GPC6: variants seen among roughly 807,000 people sequenced by gnomAD.
GPC6 encodes the protein glypican 6, also known as glypican-6.
A neutral mutation model predicts 55.2 loss-of-function variants in GPC6; 14 were observed. That is an observed-to-expected ratio of 0.25 (90% CI 0.17 to 0.40). The LOEUF (loss-of-function observed/expected upper bound fraction) is 0.40. Ranked by LOEUF, GPC6 falls within the 10% of genes least tolerant of loss-of-function variation. GPC6 has a pLI of 1.00. For synonymous variants in GPC6, 278 were observed against 259.6 expected (o/e 1.07, Z -0.68); for missense variants, 641 against 708.5 (o/e 0.90, Z 1.08).
chr13:93,954,846 T>C (rs1204157094), intron 3 of GPC6, among the ~76,000 whole-genome samples: 1 of 152,150 alleles, frequency 6.6e-6, no homozygotes, highest in Non-Finnish European at 1.5e-5. Flanking sequence ...TTAGTAACTC[T>C]ATGTATGTCC....
intron 4 of GPC6, among the ~76,000 whole-genome samples, chr13:94,120,795 A>G (rs1340516553): frequency 1.3e-5 from 2 of 152,098 alleles, no homozygotes; most frequent in African/African-American, 4.8e-5. Context: ...GGAATCAATG[A>G]ATCAGGTGTT....
At chr13:93,843,047 A>G (rs1888011404) in intron 3 of GPC6, among the ~76,000 whole-genome samples, 1 of 149,594 alleles carries the variant, frequency 6.7e-6, no homozygotes, top group Admixed American at 6.7e-5. Flanking sequence ...TTATTTTAAC[A>G]TCACATGCAT....
intron 3 of GPC6, chr13:93,836,164 G>A (rs1887724475): frequency 6.6e-6 from 1 of 152,108 alleles, no homozygotes; most frequent in Non-Finnish European, 1.5e-5. Flanking sequence ...AACAGACAAA[G>A]TCAACTTTCA....
At chr13:93,407,860 AT>A (rs1230811990) in intron 1 of GPC6, among the ~76,000 whole-genome samples, 1 of 152,168 alleles carries the variant, frequency 6.6e-6, no homozygotes, top group Non-Finnish European at 1.5e-5. Context: ...GTAAAGATTA[AT>A]TTCCTAACTG....
chr13:94,318,706 G>A (rs1876666447), intron 6 of GPC6, among the ~76,000 whole-genome samples: 1 of 152,040 alleles, frequency 6.6e-6, no homozygotes, highest in African/African-American at 2.4e-5. Context: ...GTTACTCATG[G>A]TCAGCTGCAG....
At chr13:94,019,863 T>C (rs1882630564) in intron 3 of GPC6, among the ~76,000 whole-genome samples, 1 of 152,178 alleles carries the variant, frequency 6.6e-6, no homozygotes. Flanking sequence ...TTGAGAGTAA[T>C]GTTCCTTCTT....
At chr13:93,228,948 G>T (rs1294154224) in intron 1 of GPC6, among the ~76,000 whole-genome samples, 1 of 152,118 alleles carries the variant, frequency 6.6e-6, no homozygotes, top group Admixed American at 6.5e-5. Context: ...ATAAATTTGA[G>T]CATTGGCAAA....
chr13:93,576,924 T>C (rs750637558), intron 2 of GPC6, among the ~76,000 whole-genome samples: 7 of 152,194 alleles, frequency 4.6e-5, no homozygotes, highest in Non-Finnish European at 7.4e-5. Context: ...TCATGTCTTA[T>C]GATTGAATGC....
At chr13:94,134,456 G>A (rs1345895742) in intron 4 of GPC6, among the ~76,000 whole-genome samples, 2 of 152,134 alleles carry the variant, frequency 1.3e-5, no homozygotes, top group Non-Finnish European at 2.9e-5. Context: ...AGAAGAATGT[G>A]TCCCCCTCAT....
chr13:93,723,026 A>G (rs77269734), intron 2 of GPC6, among the ~76,000 whole-genome samples: 1,962 of 152,100 alleles, frequency 0.013, 52 homozygotes, highest in African/African-American at 0.044. Context: ...ATTAGGGGTT[A>G]GTACCCCAGC....
At position 93,449,165 on chromosome 13, in the gene GPC6, G is replaced by C. The variant is rs146707434; in HGVS notation, c.161-96098G>C. Among the ~76,000 whole-genome samples the C allele has an allele frequency of 3.3e-5, 5 of 152,340 alleles. No homozygotes were observed. The East Asian group carries it at 5.8e-4, about 18-fold the overall frequency. On this transcript the variant is annotated intron_variant, in intron 1 of 8. Transcript: ENST00000377047. ...GCACAATGTAAGGATGCCCATGCAT[G>C]CTGTGATAAAAGTACAGATGAGGAA...
At chr13:94,014,407 A>G (rs1355789548) in intron 3 of GPC6, among the ~76,000 whole-genome samples, 1 of 152,194 alleles carries the variant, frequency 6.6e-6, no homozygotes, top group Non-Finnish European at 1.5e-5. Context: ...GCCTCTCGTT[A>G]GGGTTAAGCA....
intron 2 of GPC6, among the ~76,000 whole-genome samples, chr13:93,783,273 A>G (rs535255627): frequency 1.3e-5 from 2 of 152,268 alleles, no homozygotes; most frequent in South Asian, 2.1e-4. Flanking sequence ...TAGTGCTGTA[A>G]GGAAGATATG....
chr13:94,324,387 G>GATT (rs201690051), intron 6 of GPC6, among the ~76,000 whole-genome samples: 2,118 of 151,520 alleles, frequency 0.014, 24 homozygotes, highest in Middle Eastern at 0.027. Context: ...CAAAATAGGT[G>GATT]ATTGAATTGA....
chr13:93,325,467 A>G (rs1051613344), intron 1 of GPC6, among the ~76,000 whole-genome samples: 4 of 152,172 alleles, frequency 2.6e-5, no homozygotes, highest in African/African-American at 9.7e-5. Flanking sequence ...AGAGGAACAC[A>G]GGTGATGTGG....
At chr13:94,304,006 A>G (rs1464976774) in intron 5 of GPC6, among the ~76,000 whole-genome samples, 1 of 152,234 alleles carries the variant, frequency 6.6e-6, no homozygotes, top group Non-Finnish European at 1.5e-5. Flanking sequence ...ATTTTTTAAA[A>G]GTCAGCTGTC....
At chr13:93,566,461 TCTC>T (rs1450569131) in intron 2 of GPC6, among the ~76,000 whole-genome samples, 2 of 32,426 alleles carry the variant, frequency 6.2e-5, no homozygotes, top group Non-Finnish European at 3.0e-4. Context: ...AATCCCTCCT[TCTC>T]TTCAGAGATG....
chr13:93,604,134 G>A (rs182124463), intron 2 of GPC6, among the ~76,000 whole-genome samples: 171 of 152,294 alleles, frequency 1.1e-3, no homozygotes, highest in African/African-American at 3.8e-3. Flanking sequence ...TTTGGTTTAC[G>A]TCTCTGAGGA....
chr13:94,074,820 A>G (rs544568423), intron 4 of GPC6, among the ~76,000 whole-genome samples: 40 of 152,338 alleles, frequency 2.6e-4, no homozygotes, highest in Admixed American at 4.6e-4. Flanking sequence ...TCATTTATGT[A>G]TTCTTTCCTT....
Sources: allele counts gnomAD v4.1 joint callset (sites outside exome capture counted in the v4.1 genomes callset), GRCh38; gene constraint gnomAD v4.1.1; transcripts MANE v1.5; gene names NCBI Gene and HGNC (gene_info 2026-07-23, HGNC 2026-07-21).